Variants in IARS2 observed in about 807,000 individuals in gnomAD.
IARS2 encodes isoleucine--tRNA ligase, mitochondrial.
In IARS2, 56 loss-of-function variants were observed where a neutral mutation model predicts 126.3. That is an observed-to-expected ratio of 0.44 (90% CI 0.36 to 0.55). The LOEUF (loss-of-function observed/expected upper bound fraction) is 0.55. Among genes scored for constraint, IARS2 ranks in the 20% least tolerant of loss-of-function variants. The pLI, the probability that IARS2 is intolerant of heterozygous loss-of-function variation, is 0.00. For missense variants in IARS2, 1,127 were observed against 1,245.9 expected (o/e 0.90, Z 1.44); for synonymous variants, 407 against 441.1 (o/e 0.92, Z 0.97).
chr1:220,105,403 A>G (rs995363991), intron 8 of IARS2, among the ~76,000 whole-genome samples: 31 of 152,218 alleles, frequency 2.0e-4, no homozygotes, highest in African/African-American at 7.5e-4. Context: ...TCAGATAATT[A>G]TTGAGTTGCT....
chr1:220,094,560 C>T, intron 1 of IARS2, 77 bp downstream of exon 1: 1 of 1,233,848 alleles, frequency 8.1e-7, no homozygotes, highest in Non-Finnish European at 1.1e-6. Flanking sequence ...GCAGGCGCCA[C>T]ACCTCTAGGC....
At chr1:220,125,391 GACA>G in intron 13 of IARS2, 52 bp downstream of exon 13, 7 of 1,071,416 alleles carry the variant, frequency 6.5e-6, no homozygotes, top group Non-Finnish European at 9.9e-6. Context: ...AGGACTTAAT[GACA>G]ACATGAGAAA....
chr1:220,132,801 C>T (rs1036148947), intron 14 of IARS2, among the ~76,000 whole-genome samples: 6 of 152,206 alleles, frequency 3.9e-5, no homozygotes, highest in African/African-American at 1.4e-4. Flanking sequence ...TGGGATTTTA[C>T]AGGCGTGAGC....
chr1:220,109,773 T>C (rs1383906231), intron 10 of IARS2, among the ~76,000 whole-genome samples: 3 of 152,226 alleles, frequency 2.0e-5, no homozygotes, highest in Non-Finnish European at 4.4e-5. Flanking sequence ...TCACATTCAC[T>C]AGTGCTGGGG....
chr1:220,138,195 A>G, intron 17 of IARS2, 152 bp downstream of exon 17: 1 of 896,514 alleles, frequency 1.1e-6, no homozygotes, highest in South Asian at 1.6e-5. Flanking sequence ...TGTGTTGGCC[A>G]GGCATGGTGG....
Position 220,102,764 on chromosome 1 carries a change from A to C in IARS2, c.937A>C (p.Met313Leu). Residue 313 changes from methionine (M) to leucine (L), a missense_variant, in exon 7 of 23, where the codon ATG becomes CTG. Physicochemically the swap from Met to Leu is conservative, Grantham distance 15. Transcript: ENST00000366922. ...TIPANEAVCY[M>L]PESKYAVVKC... is the part of the protein sequence containing the mutation. ...TCCAGCCAATGAAGCTGTTTGCTATATGCCTGAATCAAAGTGGGTATATTA... is the reference window on the plus strand; with the variant it reads ...TCCAGCCAATGAAGCTGTTTGCTATCTGCCTGAATCAAAGTGGGTATATTA... 6.2e-7 allele frequency: 1 copy of C among 1,609,776 alleles called. No homozygotes were observed. Among genetic ancestry groups the C allele is most frequent in the South Asian group, 1.1e-5 (1 of 90,996 alleles).
chr1:220,145,426 A>G lies in IARS2; in HGVS notation c.2752-83A>G, dbSNP rs1657567090. On this transcript the variant is annotated intron_variant, in intron 21 of 22. Transcript: ENST00000366922. ...ACCAGAAGGTTCCTCTCTAAACGTG[A>G]GATTTTATAGTGTTTCTTTTTATAA... The G allele has an allele frequency of 2.3e-6, 3 of 1,314,852 alleles. No homozygotes were observed. In the African/African-American group the frequency reaches 4.4e-5, roughly 19 times the overall value. The allele number at this position is 1,314,852 out of a possible 1,614,324, so 81.4% of individuals were successfully genotyped here. A position where few individuals can be genotyped will look rare whatever the true frequency, so the allele number is the denominator to read the frequency against.
chr1:220,110,319 C>A (rs998879565), intron 10 of IARS2, among the ~76,000 whole-genome samples: 1 of 152,078 alleles, frequency 6.6e-6, no homozygotes, highest in African/African-American at 2.4e-5. Flanking sequence ...CTCTGCCTCC[C>A]AAACTGTTGG....
At chr1:220,111,043 C>A in intron 11 of IARS2, 106 bp downstream of exon 11, 1 of 1,011,270 alleles carries the variant, frequency 9.9e-7, no homozygotes, top group Non-Finnish European at 1.4e-6. Context: ...GGGATTGCTG[C>A]TATTATGATT....
At chr1:220,107,015 G>T (rs1470441600) in intron 9 of IARS2, 46 bp from the exon 10 acceptor site, 7 of 1,199,340 alleles carry the variant, frequency 5.8e-6, no homozygotes, top group Non-Finnish European at 2.5e-6. Context: ...ATTGTCATAA[G>T]AGAAAATGTC....
intron 14 of IARS2, among the ~76,000 whole-genome samples, chr1:220,132,793 G>C (rs1358771218): frequency 2.0e-5 from 3 of 151,758 alleles, no homozygotes; most frequent in Admixed American, 6.6e-5. Flanking sequence ...CAAAGTTCTG[G>C]GATTTTACAG....
At position 220,103,487 on chromosome 1, in the gene IARS2, G is replaced by C. The variant is rs201619737; in HGVS notation, c.991G>C (p.Val331Leu). Residue 331 changes from valine to leucine, a missense_variant, in exon 8 of 23, where the codon GTA becomes CTA. Coordinates refer to ENST00000366922, the MANE Select transcript of IARS2 (RefSeq NM_018060.4). The part of the protein sequence containing the change: ...VKCSKSGDLY[V>L]LAADKVASVA... Reference sequence around the variant, plus strand: ...ATGTTCTAAGTCTGGAGACCTCTACGTACTGGCGGCAGATAAAGTAGCATC... The same window carrying C: ...ATGTTCTAAGTCTGGAGACCTCTACCTACTGGCGGCAGATAAAGTAGCATC... The C allele has an allele frequency of 3.7e-6, 6 of 1,613,188 alleles. No individual in the cohort carries two copies. Among genetic ancestry groups the C allele is most frequent in the South Asian group, 3.3e-5 (3 of 91,028 alleles).
intron 10 of IARS2, among the ~76,000 whole-genome samples, chr1:220,108,174 C>A (rs1656719128): frequency 6.6e-6 from 1 of 151,642 alleles, no homozygotes; most frequent in Non-Finnish European, 1.5e-5. Flanking sequence ...AATTCTCTTG[C>A]CTCAGCCTCC....
intron 14 of IARS2, among the ~76,000 whole-genome samples, chr1:220,130,057 T>TG (rs1031138538): frequency 3.3e-5 from 5 of 152,220 alleles, no homozygotes; most frequent in African/African-American, 1.2e-4. Flanking sequence ...CTGGGCTAAC[T>TG]GGGGTAAGAT....
chr1:220,109,790 T>A (rs1656759542), intron 10 of IARS2, among the ~76,000 whole-genome samples: 4 of 152,200 alleles, frequency 2.6e-5, no homozygotes, highest in Admixed American at 2.6e-4. Context: ...GGGGGTTAGA[T>A]CTTCTTGGGG....
intron 15 of IARS2, among the ~76,000 whole-genome samples, chr1:220,135,134 G>C (rs1177899301): frequency 6.6e-6 from 1 of 152,158 alleles, no homozygotes; most frequent in Admixed American, 6.5e-5. Context: ...ATTCAAGGTT[G>C]AGAGAAGACA....
chr1:220,136,274 G>A (rs1463824874), intron 15 of IARS2, among the ~76,000 whole-genome samples: 1 of 152,114 alleles, frequency 6.6e-6, no homozygotes, highest in African/African-American at 2.4e-5. Flanking sequence ...TGGGACTACT[G>A]GCACACACCA....
At chr1:220,134,131 G>A (rs1015793429) in intron 14 of IARS2, among the ~76,000 whole-genome samples, 5 of 152,050 alleles carry the variant, frequency 3.3e-5, no homozygotes, top group African/African-American at 4.8e-5. Flanking sequence ...TTAGATCCAC[G>A]TTATGCATTT....
At chr1:220,111,341 A>G (rs1233766075) in intron 11 of IARS2, among the ~76,000 whole-genome samples, 1 of 152,184 alleles carries the variant, frequency 6.6e-6, no homozygotes, top group Non-Finnish European at 1.5e-5. Flanking sequence ...ATGGTCTGAT[A>G]CATAATAAGC....
Sources: gnomAD v4.1 joint callset for allele counts (sites outside exome capture counted in the v4.1 genomes callset) on GRCh38, gnomAD v4.1.1 for gene constraint, MANE v1.5 for transcripts, NCBI Gene and HGNC (gene_info 2026-07-23, HGNC 2026-07-21) for gene names.